ABL1: variants seen among roughly 807,000 people sequenced by gnomAD.
The protein encoded by ABL1 is ABL proto-oncogene 1, non-receptor tyrosine kinase.
Under a neutral mutation model 94.7 loss-of-function variants are expected in ABL1, and 11 were observed. The ratio of observed to expected loss-of-function variants is 0.12; its 90% CI spans 0.07 to 0.19. The LOEUF is 0.19. Ranked by LOEUF, ABL1 falls within the 10% of genes least tolerant of loss-of-function variation. The pLI is 1.00. For missense variants in ABL1, 1,082 were observed against 1,489.4 expected, an observed-to-expected ratio of 0.73 and a Z score of 4.50; for synonymous variants, 656 against 622.4, an observed-to-expected ratio of 1.05 and a Z score of -0.80.
Position 130,884,752 on chromosome 9 carries a change from A to G in ABL1, c.2462A>G (p.Gln821Arg), listed in dbSNP as rs775807372. 6.2e-7 allele frequency: 1 copy of G among 1,612,380 alleles called. No individual in the cohort carries two copies. The highest frequency in any genetic ancestry group is 1.1e-5 in the South Asian group (1 of 91,060). ...PNLTPKPLRR[Q>R]VTVAPASGLP... ...CTGACTCCAAAACCCCTCCGGCGGC[A>G]GGTCACCGTGGCCCCTGCCTCGGGC... Residue 821 changes from glutamine (Q) to arginine (R), a missense_variant, in exon 11 of 11, where the codon CAG becomes CGG. Transcript: ENST00000318560. This position sits in a 1 kb window ranked among gnomAD's most constrained non-coding sequence, Gnocchi z 5.6.
chr9:130,773,509 A>C (rs866858231), intron 1 of ABL1, among the ~76,000 whole-genome samples: 15 of 151,152 alleles, frequency 9.9e-5, no homozygotes, highest in Middle Eastern at 3.4e-3. Context: ...TCCAGGCTGG[A>C]GTGTAGTGGT....
chr9:130,743,134 G>A lies in ABL1; in HGVS notation c.136+28679G>A, dbSNP rs528041659. On this transcript the variant is annotated intron_variant, in intron 1 of 10. Transcript: ENST00000372348. ...GTTGCCCAGGCTAGAGTGCAGTGGC[G>A]TGATATCGGCTCACTGCAACTTCCA... Among the ~76,000 whole-genome samples, 89 of 152,296 alleles carry A rather than the reference G, an allele frequency of 5.8e-4. 4 individuals carry two copies. Among genetic ancestry groups the A allele is most frequent in the African/African-American group, 5.5e-4 (23 of 41,570 alleles).
intron 1 of ABL1, among the ~76,000 whole-genome samples, chr9:130,771,179 G>A (rs1244296913): frequency 4.6e-5 from 7 of 152,154 alleles, no homozygotes; most frequent in Non-Finnish European, 7.3e-5. Context: ...TTGTAGGCCA[G>A]CATTGAGTAT....
At chr9:130,767,950 C>T (rs183524338) in intron 1 of ABL1, among the ~76,000 whole-genome samples, 28 of 150,236 alleles carry the variant, frequency 1.9e-4, no homozygotes, top group African/African-American at 7.0e-4. Flanking sequence ...ATGGAAATTG[C>T]GAGGAAAAAA....
intron 1 of ABL1, among the ~76,000 whole-genome samples, chr9:130,730,782 G>A (rs1831654501): frequency 6.6e-6 from 1 of 151,642 alleles, no homozygotes; most frequent in African/African-American, 2.4e-5. Flanking sequence ...ATGTGGCCCA[G>A]GCTGGTCTCA....
At chr9:130,731,450 T>A (rs1279059892) in intron 1 of ABL1, among the ~76,000 whole-genome samples, 2 of 152,182 alleles carry the variant, frequency 1.3e-5, no homozygotes, top group Non-Finnish European at 2.9e-5. Context: ...TTTCACTCTC[T>A]TACATCTCAT....
chr9:130,756,912 C>G (rs754209483), intron 1 of ABL1, among the ~76,000 whole-genome samples: 1 of 152,154 alleles, frequency 6.6e-6, no homozygotes, highest in Non-Finnish European at 1.5e-5. Context: ...ATTTGGAATC[C>G]TTCAAGCCCT....
rs775051456 is a variant in ABL1 at position 130,885,512 on chromosome 9, C to T, written c.3222C>T (p.Ile1074=). 6.2e-7 allele frequency: 1 copy of T among 1,614,160 alleles called. No homozygotes were observed. Among genetic ancestry groups the T allele is most frequent in the South Asian group, 1.1e-5 (1 of 91,086 alleles). The change falls in exon 11 of 11, where the codon ATC becomes ATT. Residue 1074 remains isoleucine (I), a synonymous_variant. Transcript: ENST00000318560. The stretch of plus-strand genomic sequence containing the variant: ...TCTGCGTGAGCTATGTGGATTCCAT[C>T]CAGCAAATGAGGAACAAGTTTGCCT... ...YTFCVSYVDS[I]QQMRNKFAFR...
intron 1 of ABL1, among the ~76,000 whole-genome samples, chr9:130,722,038 TC>T (rs1831521676): frequency 6.6e-6 from 1 of 151,766 alleles, no homozygotes; most frequent in South Asian, 2.1e-4. Context: ...TGGCTCGACC[TC>T]CCAAAGTGCT....
At chr9:130,754,805 AC>A (rs1832022884) in intron 1 of ABL1, among the ~76,000 whole-genome samples, 2 of 152,122 alleles carry the variant, frequency 1.3e-5, no homozygotes, top group Admixed American at 6.6e-5. Flanking sequence ...AGTGCTTTTA[AC>A]AAGCGGACTA....
chr9:130,813,965 A>G (rs2132862099), intron 1 of ABL1, among the ~76,000 whole-genome samples: 1 of 152,294 alleles, frequency 6.6e-6, no homozygotes, highest in East Asian at 1.9e-4. Flanking sequence ...AAAAATGAAG[A>G]CTAGTGAAAC....
chr9:130,786,455 C>T (rs138864218), intron 1 of ABL1, among the ~76,000 whole-genome samples: 74 of 152,276 alleles, frequency 4.9e-4, no homozygotes, highest in African/African-American at 1.6e-3. Context: ...AAACACAGAA[C>T]GCTCTCTTAG....
chr9:130,798,264 C>A (rs1239996565), intron 1 of ABL1, among the ~76,000 whole-genome samples: 5 of 152,158 alleles, frequency 3.3e-5, no homozygotes, highest in Non-Finnish European at 7.4e-5. Context: ...CTACCCCACA[C>A]TCATACATGA....
chr9:130,849,999 G>C (rs1420165907), intron 1 of ABL1, among the ~76,000 whole-genome samples: 1 of 152,126 alleles, frequency 6.6e-6, no homozygotes, highest in South Asian at 2.1e-4. Context: ...CCACTTGACT[G>C]ACTTGCTAAA....
In ABL1 at chr9:130,850,608, G is replaced by A. The variant is rs142489832; in HGVS notation, c.80-3456G>A. Reference sequence around the variant, plus strand: ...TACAACCTCTGCCTCCTGTGTTCAAGCGATTCTCGTGCCTCAGCATCCTGA... The same window carrying A: ...TACAACCTCTGCCTCCTGTGTTCAAACGATTCTCGTGCCTCAGCATCCTGA... On this transcript the variant is annotated intron_variant, in intron 1 of 10. Coordinates refer to ENST00000318560, the MANE Select transcript of ABL1 (RefSeq NM_005157.6). Among the ~76,000 whole-genome samples the A allele has an allele frequency of 6.0e-3, 920 of 152,292 alleles. 8 individuals are homozygous for A. Among genetic ancestry groups the A allele is most frequent in the African/African-American group, 0.021 (862 of 41,548 alleles).
intron 1 of ABL1, among the ~76,000 whole-genome samples, chr9:130,738,437 G>C (rs1169936695): frequency 2.0e-5 from 3 of 152,162 alleles, no homozygotes; most frequent in Non-Finnish European, 4.4e-5. Flanking sequence ...TTCTTGAAAA[G>C]CTCATTACAG....
intron 1 of ABL1, among the ~76,000 whole-genome samples, chr9:130,804,232 G>A (rs567968422): frequency 2.0e-5 from 3 of 152,062 alleles, no homozygotes; most frequent in Non-Finnish European, 4.4e-5. Context: ...GGTGGTGGGC[G>A]CCTGTAGTAC....
At chr9:130,714,404 A>C (rs1831409314) in exon 1 of ABL1, 1 of 1,613,996 alleles carries the variant, frequency 6.2e-7, no homozygotes, top group African/African-American at 1.3e-5. Context: ...AGCAGGGAAG[A>C]AGGAATCATC....
intron 1 of ABL1, among the ~76,000 whole-genome samples, chr9:130,731,911 C>CT (rs11385919): frequency 0.31 from 46,731 of 150,054 alleles, 10,233 homozygotes; most frequent in African/African-American, 0.6. Context: ...TTTCAGGAAA[C>CT]TTTTTTTTTT....
Sources: allele counts gnomAD v4.1 joint callset (sites outside exome capture counted in the v4.1 genomes callset), GRCh38; gene constraint gnomAD v4.1.1; non-coding constraint Gnocchi (gnomAD v3.1); transcripts MANE v1.5; gene names NCBI Gene and HGNC (gene_info 2026-07-23, HGNC 2026-07-21).